Variants in NELL1 observed in about 807,000 individuals in gnomAD.
NELL1 encodes protein kinase C-binding protein NELL1.
NELL1 carries 76 observed loss-of-function variants against 107.4 expected under a neutral mutation model. The ratio of observed to expected loss-of-function variants is 0.71; its 90% CI spans 0.59 to 0.86. NELL1 has a LOEUF of 0.86. NELL1 is among the 40% of genes least tolerant of loss of function. The pLI is 0.00. For synonymous variants in NELL1, 353 were observed against 341.2 expected, an observed-to-expected ratio of 1.03 and a Z score of -0.38; for missense variants, 1,024 against 1,005.5, an observed-to-expected ratio of 1.02 and a Z score of -0.25.
intron 15 of NELL1, among the ~76,000 whole-genome samples, chr11:21,443,350 G>A (rs182493588): frequency 1.4e-4 from 21 of 152,250 alleles, no homozygotes; most frequent in Non-Finnish European, 2.2e-4. Flanking sequence ...TCCAACACAT[G>A]AACTTTAGGT....
At chr11:20,962,998 G>T (rs1307372152) in intron 12 of NELL1, among the ~76,000 whole-genome samples, 2 of 152,160 alleles carry the variant, frequency 1.3e-5, no homozygotes, top group East Asian at 3.9e-4. Context: ...GAGGCACAGA[G>T]AACCCAGTAG....
intron 12 of NELL1, among the ~76,000 whole-genome samples, chr11:21,011,379 G>A (rs193225284): frequency 1.5e-4 from 23 of 152,262 alleles, no homozygotes; most frequent in African/African-American, 5.1e-4. Context: ...TGAAAGGAAA[G>A]GGGAGGAAGC....
At chr11:21,290,198 T>C (rs183326744) in intron 14 of NELL1, among the ~76,000 whole-genome samples, 2,887 of 151,784 alleles carry the variant, frequency 0.019, 103 homozygotes, top group African/African-American at 0.066. Context: ...TGAAACCCCG[T>C]CTCTACTAAA....
intron 5 of NELL1, among the ~76,000 whole-genome samples, chr11:20,888,567 A>C (rs943205927): frequency 2.6e-5 from 4 of 152,148 alleles, no homozygotes; most frequent in African/African-American, 9.7e-5. Context: ...AACGGGTAAG[A>C]ATTTTCTAAA....
chr11:20,848,096 A>G (rs146105041), intron 4 of NELL1, among the ~76,000 whole-genome samples: 1 of 152,290 alleles, frequency 6.6e-6, no homozygotes, highest in Non-Finnish European at 1.5e-5. Context: ...ATTGTTGTTG[A>G]GTTCGTTCCA....
rs115914707 is a variant in NELL1, at chr11:21,365,545, C to A, written c.1550-5308C>A. Among the ~76,000 whole-genome samples the A allele has an allele frequency of 5.5e-3, 843 of 152,192 alleles. 7 individuals carry two copies. Among genetic ancestry groups the A allele is most frequent in the African/African-American group, 0.018 (763 of 41,534 alleles). ...CAAACAGAATTTACCATTAGTATTG[C>A]TGTCATTATTATTATGATTACTGTT... is the stretch of plus-strand genomic sequence containing the variant. On this transcript the variant is annotated intron_variant, in intron 14 of 19. Transcript: ENST00000357134.
intron 2 of NELL1, among the ~76,000 whole-genome samples, chr11:20,777,210 T>A (rs1856767235): frequency 6.6e-6 from 1 of 152,202 alleles, no homozygotes; most frequent in African/African-American, 2.4e-5. Context: ...TTATTTAAAT[T>A]CTGTAAGCTT....
chr11:21,501,450 T>G (rs1351685218), intron 15 of NELL1, among the ~76,000 whole-genome samples: 1 of 152,186 alleles, frequency 6.6e-6, no homozygotes, highest in Admixed American at 6.5e-5. Context: ...ATGTTTTTTC[T>G]TGGTATTGAT....
intron 15 of NELL1, among the ~76,000 whole-genome samples, chr11:21,428,612 A>T (rs1852890498): frequency 6.6e-6 from 1 of 152,152 alleles, no homozygotes; most frequent in South Asian, 2.1e-4. Flanking sequence ...CAAGGTTTTC[A>T]TTTTTATAGC....
chr11:20,842,764 T>C (rs942307244), intron 3 of NELL1, among the ~76,000 whole-genome samples: 2 of 152,198 alleles, frequency 1.3e-5, no homozygotes, highest in Non-Finnish European at 2.9e-5. Context: ...TGAGTAAATA[T>C]TTGCAGACTA....
intron 2 of NELL1, among the ~76,000 whole-genome samples, chr11:20,691,655 G>A (rs1423222781): frequency 1.3e-5 from 2 of 151,922 alleles, no homozygotes; most frequent in Non-Finnish European, 1.5e-5. Context: ...TGGTGGATAA[G>A]CTTTTTGATG....
intron 14 of NELL1, among the ~76,000 whole-genome samples, chr11:21,314,753 G>A (rs1169600620): frequency 2.6e-5 from 4 of 152,172 alleles, no homozygotes. Flanking sequence ...AGAGTAATGG[G>A]AAGCCATTGA....
intron 2 of NELL1, among the ~76,000 whole-genome samples, chr11:20,755,400 G>A (rs1038135328): frequency 2.0e-5 from 3 of 152,106 alleles, no homozygotes; most frequent in Non-Finnish European, 2.9e-5. Flanking sequence ...TCCATGGACT[G>A]TAACCAGAAA....
At chr11:21,232,179 A>T (rs76614249) in intron 14 of NELL1, among the ~76,000 whole-genome samples, 3,890 of 106,106 alleles carry the variant, frequency 0.037, 69 homozygotes, top group African/African-American at 0.056. Context: ...TATATATATA[A>T]ATTAGCTGGG....
At chr11:21,561,864 A>G (rs1385644069) in intron 17 of NELL1, among the ~76,000 whole-genome samples, 1 of 152,104 alleles carries the variant, frequency 6.6e-6, no homozygotes, top group African/African-American at 2.4e-5. Flanking sequence ...CTCAAAGGGC[A>G]AAAATTTTTA....
At chr11:21,444,984 T>A (rs1853383599) in intron 15 of NELL1, among the ~76,000 whole-genome samples, 1 of 152,204 alleles carries the variant, frequency 6.6e-6, no homozygotes, top group Non-Finnish European at 1.5e-5. Context: ...TAATACCTTA[T>A]AACCCATTAT....
At chr11:21,482,822 TC>T (rs898738106) in intron 15 of NELL1, among the ~76,000 whole-genome samples, 1 of 151,768 alleles carries the variant, frequency 6.6e-6, no homozygotes, top group Non-Finnish European at 1.5e-5. Flanking sequence ...TGTTTGTTTT[TC>T]CCCCCAAGGA....
intron 13 of NELL1, chr11:21,170,010 C>T: frequency 8.2e-7 from 1 of 1,224,236 alleles, no homozygotes; most frequent in Non-Finnish European, 1.2e-6. Flanking sequence ...TTTGAGCACT[C>T]AGATGTGGAC....
At chr11:21,231,320 A>C (rs1029718631) in intron 14 of NELL1, among the ~76,000 whole-genome samples, 1 of 152,110 alleles carries the variant, frequency 6.6e-6, no homozygotes, top group African/African-American at 2.4e-5. Flanking sequence ...AAGAAAATTC[A>C]CTTATTGCTA....
Sources: gnomAD v4.1 joint callset for allele counts (sites outside exome capture counted in the v4.1 genomes callset) on GRCh38, gnomAD v4.1.1 for gene constraint, MANE v1.5 for transcripts, NCBI Gene and HGNC (gene_info 2026-07-23, HGNC 2026-07-21) for gene names.